NKAIN2: variants seen among roughly 807,000 people sequenced by gnomAD.
NKAIN2 encodes the protein sodium/potassium transporting ATPase interacting 2.
Under a neutral mutation model 32.6 loss-of-function variants are expected in NKAIN2, and 14 were observed. That is an observed-to-expected ratio of 0.43 (90% CI 0.28 to 0.67). The LOEUF (loss-of-function observed/expected upper bound fraction) is 0.67, where lower values mean the gene tolerates loss of function less well. Ranked by LOEUF, NKAIN2 falls within the 30% of genes least tolerant of loss-of-function variation. The probability of loss-of-function intolerance (pLI) is 0.17; values close to 1 mark genes in which losing one functional copy is unlikely to be tolerated. For synonymous variants in NKAIN2, 80 were observed against 87.2 expected (o/e 0.92, Z 0.46); for missense variants, 198 against 258.3 (o/e 0.77, Z 1.60).
At chr6:124,238,751 C>T (rs1333628321) in intron 1 of NKAIN2, among the ~76,000 whole-genome samples, 2 of 152,136 alleles carry the variant, frequency 1.3e-5, no homozygotes, top group African/African-American at 4.8e-5. Flanking sequence ...CACCACCAGG[C>T]CTGCCTTACA....
chr6:124,546,013 A>T (rs946040577), intron 3 of NKAIN2, among the ~76,000 whole-genome samples: 1 of 152,142 alleles, frequency 6.6e-6, no homozygotes, highest in Non-Finnish European at 1.5e-5. Flanking sequence ...AGAAAAAAAA[A>T]AAACAGTGAA....
intron 1 of NKAIN2, among the ~76,000 whole-genome samples, chr6:124,094,638 TTA>T (rs1784576047): frequency 6.6e-6 from 1 of 152,134 alleles, no homozygotes; most frequent in African/African-American, 2.4e-5. Flanking sequence ...GTTAAATGCC[TTA>T]TGTTTTTCGT....
chr6:124,016,806 C>T (rs1582934624), intron 1 of NKAIN2, among the ~76,000 whole-genome samples: 1 of 151,696 alleles, frequency 6.6e-6, no homozygotes, highest in African/African-American at 2.4e-5. Flanking sequence ...AAAAAAAAAT[C>T]CAGAGCTTAG....
At chr6:123,932,406 C>CTTTTTTTTTTTTTTTTTTT (rs57063550) in intron 1 of NKAIN2, among the ~76,000 whole-genome samples, 6 of 104,392 alleles carry the variant, frequency 5.7e-5, no homozygotes, top group East Asian at 2.5e-4. Context: ...TTCTGTCTTT[C>CTTTTTTTTTTTTTTTTTTT]TTTTTTTTTT....
chr6:124,739,800 C>T (rs577269403), intron 4 of NKAIN2, among the ~76,000 whole-genome samples: 1 of 151,968 alleles, frequency 6.6e-6, no homozygotes, highest in South Asian at 2.1e-4. Flanking sequence ...AAAAACAGCC[C>T]GTGTGTTCCT....
intron 4 of NKAIN2, among the ~76,000 whole-genome samples, chr6:124,772,236 GT>G (rs1178262207): frequency 6.6e-6 from 1 of 152,200 alleles, no homozygotes; most frequent in Non-Finnish European, 1.5e-5. Context: ...TATGGTCTTA[GT>G]TGTAGAAACT....
At chr6:124,108,094 C>T (rs1360230462) in intron 1 of NKAIN2, among the ~76,000 whole-genome samples, 1 of 152,070 alleles carries the variant, frequency 6.6e-6, no homozygotes, top group Non-Finnish European at 1.5e-5. Flanking sequence ...AAGGAACCCC[C>T]ACACTGTTTG....
chr6:123,868,158 G>A (rs1425083108), intron 1 of NKAIN2, among the ~76,000 whole-genome samples: 3 of 152,142 alleles, frequency 2.0e-5, no homozygotes, highest in East Asian at 1.9e-4. Flanking sequence ...GTGAGCCACT[G>A]TGCCCAGCCT....
chr6:124,523,368 C>A (rs1367478924), intron 3 of NKAIN2, among the ~76,000 whole-genome samples: 1 of 151,586 alleles, frequency 6.6e-6, no homozygotes, highest in African/African-American at 2.4e-5. Flanking sequence ...TTCCTTAGGC[C>A]ATGATTTTTC....
At chr6:124,307,011 C>A (rs1796531136) in intron 2 of NKAIN2, among the ~76,000 whole-genome samples, 1 of 152,076 alleles carries the variant, frequency 6.6e-6, no homozygotes, top group African/African-American at 2.4e-5. Context: ...AAGAGTTTTA[C>A]CTAAATCATG....
At chr6:124,595,666 A>T (rs1050256705) in intron 3 of NKAIN2, among the ~76,000 whole-genome samples, 1 of 32,264 alleles carries the variant, frequency 3.1e-5, no homozygotes, top group African/African-American at 6.8e-5. Flanking sequence ...AAGGGATGGG[A>T]AATTAAAAAC....
intron 4 of NKAIN2, among the ~76,000 whole-genome samples, chr6:124,672,271 G>A (rs935896037): frequency 6.6e-6 from 1 of 152,062 alleles, no homozygotes; most frequent in African/African-American, 2.4e-5. Flanking sequence ...TCAAGGGGAT[G>A]ATTTGTAAGA....
chr6:124,384,396 A>G (rs926318619), intron 3 of NKAIN2, among the ~76,000 whole-genome samples: 5 of 152,174 alleles, frequency 3.3e-5, no homozygotes, highest in African/African-American at 9.7e-5. Context: ...ACTATTGCAC[A>G]GGATTACTCT....
At chr6:124,669,150 C>G (rs915334192) in intron 4 of NKAIN2, among the ~76,000 whole-genome samples, 1 of 152,094 alleles carries the variant, frequency 6.6e-6, no homozygotes, top group Non-Finnish European at 1.5e-5. Flanking sequence ...TAGTTGCTGT[C>G]TTGGAATACA....
rs151261894 is a variant in NKAIN2 at position 124,424,982 on chromosome 6, A to T, written c.273+69635A>T. Among the ~76,000 whole-genome samples the T allele has an allele frequency of 3.5e-4, 54 of 152,236 alleles. No homozygotes were observed. In the East Asian group the frequency reaches 9.6e-3, roughly 27 times the overall value. ...TTTTTAATTTTTTGAGGAACCTCCAAACAGTTTTCCCTATGGCTATACCAA... is the reference window on the plus strand; with the variant it reads ...TTTTTAATTTTTTGAGGAACCTCCATACAGTTTTCCCTATGGCTATACCAA... On this transcript the variant is annotated intron_variant, in intron 3 of 6. Transcript: ENST00000368417.
At chr6:124,389,179 T>C (rs928793998) in intron 3 of NKAIN2, among the ~76,000 whole-genome samples, 2 of 152,108 alleles carry the variant, frequency 1.3e-5, no homozygotes, top group East Asian at 3.9e-4. Flanking sequence ...ATTCACTAAT[T>C]CAGTGTTTGC....
chr6:124,059,421 C>A (rs1240854096), intron 1 of NKAIN2, among the ~76,000 whole-genome samples: 1 of 152,236 alleles, frequency 6.6e-6, no homozygotes, highest in South Asian at 2.1e-4. Context: ...TCTTAACAGA[C>A]TTTAAAGTCT....
intron 4 of NKAIN2, among the ~76,000 whole-genome samples, chr6:124,684,929 T>C (rs1472030589): frequency 6.6e-6 from 1 of 152,174 alleles, no homozygotes; most frequent in African/African-American, 2.4e-5. Flanking sequence ...TACTATCCTA[T>C]TCCTCCTTCT....
intron 1 of NKAIN2, among the ~76,000 whole-genome samples, chr6:124,277,022 T>G (rs1304856220): frequency 6.6e-6 from 1 of 152,066 alleles, no homozygotes; most frequent in African/African-American, 2.4e-5. Context: ...TACTGAGAAG[T>G]TGGGCACAGG....
Sources: allele counts gnomAD v4.1 joint callset (sites outside exome capture counted in the v4.1 genomes callset), GRCh38; gene constraint gnomAD v4.1.1; transcripts MANE v1.5; gene names NCBI Gene and HGNC (gene_info 2026-07-23, HGNC 2026-07-21).